The following IGF2R variants were observed in gnomAD, a reference collection of about 807,000 sequenced individuals.
IGF2R encodes cation-independent mannose-6-phosphate receptor.
In IGF2R, 91 loss-of-function variants were observed where a neutral mutation model predicts 270.6. That is an observed-to-expected ratio of 0.34 (90% CI 0.28 to 0.40). The LOEUF (loss-of-function observed/expected upper bound fraction) is 0.40. Among genes scored for constraint, IGF2R ranks in the 10% least tolerant of loss-of-function variants. The pLI, the probability that IGF2R is intolerant of heterozygous loss-of-function variation, is 1.00. For synonymous variants in IGF2R, 1,316 were observed against 1,258.9 expected, an observed-to-expected ratio of 1.05 and a Z score of -0.96; for missense variants, 2,805 against 3,188.3, an observed-to-expected ratio of 0.88 and a Z score of 2.90.
At chr6:159,999,902 G>A (rs915167457) in intron 2 of IGF2R, among the ~76,000 whole-genome samples, 1 of 152,158 alleles carries the variant, frequency 6.6e-6, no homozygotes, top group Admixed American at 6.5e-5. Flanking sequence ...AATCCTGGAA[G>A]CCATACAGGA....
At chr6:160,090,891 G>C (rs1337667260) in intron 44 of IGF2R, among the ~76,000 whole-genome samples, 1 of 149,918 alleles carries the variant, frequency 6.7e-6, no homozygotes, top group Non-Finnish European at 1.5e-5. Context: ...TCCGTGCCCT[G>C]GTGCTGAGCT....
intron 21 of IGF2R, among the ~76,000 whole-genome samples, chr6:160,058,632 A>G (rs888296252): frequency 6.6e-6 from 1 of 152,214 alleles, no homozygotes; most frequent in African/African-American, 2.4e-5. Context: ...TATATGGTAC[A>G]TTATTACATG....
intron 9 of IGF2R, among the ~76,000 whole-genome samples, chr6:160,034,046 T>G (rs954390164): frequency 1.3e-5 from 2 of 152,236 alleles, no homozygotes; most frequent in African/African-American, 4.8e-5. Context: ...TTGTTCAGGA[T>G]CAGTATAGTC....
rs372480709 is a variant in IGF2R, at chr6:160,034,533, G to A, written c.1315+11G>A. 6 of 1,556,910 alleles carry A rather than the reference G, an allele frequency of 3.9e-6. No homozygotes were observed. The highest frequency in any genetic ancestry group is 2.2e-5 in the East Asian group (1 of 44,452). ...GCAATAAAACCGCAGGTAAGTGTGC[G>A]CTGGAGTTCAGCCCCTCCTCTTTGC... On this transcript the variant is annotated intron_variant, in intron 10 of 47. Transcript: ENST00000356956.
Position 160,024,691 on chromosome 6 carries a change from T to C in IGF2R, c.633T>C (p.Val211=). 2.5e-6 allele frequency: 4 copies of C among 1,614,116 alleles called. No homozygotes were observed. Among genetic ancestry groups the C allele is most frequent in the Non-Finnish European group, 3.4e-6 (4 of 1,179,986 alleles). Residue 211 remains valine (V), a synonymous_variant, in exon 5 of 48, where the codon GTT becomes GTC. Coordinates refer to ENST00000356956, the MANE Select transcript of IGF2R (RefSeq NM_000876.4). ...SDPDTSLFIN[V]CRDIDTLRDP... ...CGGACACTTCTCTATTCATCAATGT[T>C]TGTAGAGACATAGGTATGAATCTTT...
intron 26 of IGF2R, among the ~76,000 whole-genome samples, chr6:160,063,184 G>A (rs1323001708): frequency 6.6e-6 from 1 of 151,772 alleles, no homozygotes; most frequent in Non-Finnish European, 1.5e-5. Flanking sequence ...ACTACAGGGT[G>A]CCTGCCACCA....
chr6:160,102,644 C>A lies in IGF2R; in HGVS notation c.6968C>A (p.Ala2323Asp). Residue 2323 changes from alanine (A) to aspartate (D), a missense_variant, in exon 46 of 48, where the codon GCC becomes GAC. This residue lies in a region of IGF2R where 1,851 missense variants were observed against 2,207.2 expected (regional missense o/e 0.84). Coordinates refer to ENST00000356956, the MANE Select transcript of IGF2R (RefSeq NM_000876.4). The surrounding 1 kb of genome is among the most constrained non-coding windows in gnomAD (Gnocchi z 4.5). Reference protein sequence around the residue: ...LLVALTCCLLALLLYKKERRE... With the variant: ...LLVALTCCLLDLLLYKKERRE... ...GTGGCGCTCACCTGCTGCCTGCTGG[C>A]CCTGTTGCTCTACAAGAAGGAGAGG... 1 of 1,610,022 alleles carries A rather than the reference C, an allele frequency of 6.2e-7. No individual in the cohort carries two copies. The highest frequency in any genetic ancestry group is 8.5e-7 in the Non-Finnish European group (1 of 1,177,852).
At position 160,029,683 on chromosome 6, in the gene IGF2R, T is replaced by C. The variant is rs370471736; in HGVS notation, c.882+28T>C. 34 of 1,517,076 alleles carry C rather than the reference T, an allele frequency of 2.2e-5. No individual in the cohort carries two copies. In the African/African-American group the frequency reaches 4.2e-4, roughly 19 times the overall value. 94.0% of individuals were successfully genotyped at this position (1,517,076 alleles called of 1,614,324 possible). A position where few individuals can be genotyped will look rare whatever the true frequency, so the allele number is the denominator to read the frequency against. On this transcript the variant is annotated intron_variant, in intron 7 of 47. Transcript: ENST00000356956. Reference sequence around the variant, plus strand: ...AAGTGACTCGTCTCCTGATCACTAATGTGGCGCACAGTAGCCTGGGTTGCC... The same window carrying C: ...AAGTGACTCGTCTCCTGATCACTAACGTGGCGCACAGTAGCCTGGGTTGCC...
chr6:160,035,600 G>T (rs1435669038), intron 10 of IGF2R, among the ~76,000 whole-genome samples: 1 of 152,230 alleles, frequency 6.6e-6, no homozygotes, highest in East Asian at 1.9e-4. Flanking sequence ...CTTGTTCACA[G>T]GTCTGCCATT....
In IGF2R at chr6:160,102,642, G is replaced by C; in HGVS notation, c.6966G>C (p.Leu2322=). 6.2e-7 allele frequency: 1 copy of C among 1,610,748 alleles called. No homozygotes were observed. The highest frequency in any genetic ancestry group is 8.5e-7 in the Non-Finnish European group (1 of 1,178,250). ...TGGTGGCGCTCACCTGCTGCCTGCT[G>C]GCCCTGTTGCTCTACAAGAAGGAGA... ...LLLVALTCCL[L]ALLLYKKERR... Residue 2322 remains leucine (L), a synonymous_variant, in exon 46 of 48, where the codon CTG becomes CTC. Coordinates refer to ENST00000356956, the MANE Select transcript of IGF2R (RefSeq NM_000876.4). The surrounding 1 kb of genome is among the most constrained non-coding windows in gnomAD (Gnocchi z 4.5).
chr6:160,099,527 C>T (rs551398484), intron 45 of IGF2R, among the ~76,000 whole-genome samples: 158 of 152,204 alleles, frequency 1.0e-3, no homozygotes, highest in Non-Finnish European at 1.9e-3. Context: ...CTACCATGCC[C>T]GGCTAATTTT....
At chr6:160,065,808 GTGTGTGTATATATATATATA>G (rs1256759294) in intron 29 of IGF2R, among the ~76,000 whole-genome samples, 3 of 55,144 alleles carry the variant, frequency 5.4e-5, no homozygotes, top group African/African-American at 2.7e-4. Context: ...GTGTGTGTGT[GTGTGTGTATATATATATATA>G]TATATATATA....
At chr6:160,066,321 T>C (rs573081191) in intron 29 of IGF2R, among the ~76,000 whole-genome samples, 79 of 151,878 alleles carry the variant, frequency 5.2e-4, no homozygotes, top group Non-Finnish European at 1.0e-3. Flanking sequence ...GCCTATTTTT[T>C]GTATTTTTAG....
rs555518785 is a variant in IGF2R at position 160,043,457 on chromosome 6, C to T, written c.1621+169C>T. On this transcript the variant is annotated intron_variant, in intron 12 of 47. Transcript: ENST00000356956. ...CTCAAATGTCAGTAATTGCTTGATG[C>T]ACTCTGGAATCCTGAAGTTGGCTAG... is the stretch of plus-strand genomic sequence containing the variant. Among the ~76,000 whole-genome samples the T allele has an allele frequency of 4.6e-5, 7 of 152,312 alleles. No individual in the cohort carries two copies. The South Asian group carries it at 1.5e-3, about 32-fold the overall frequency.
chr6:160,060,658 A>T lies in IGF2R; in HGVS notation c.3203A>T (p.Tyr1068Phe). Residue 1068 changes from tyrosine to phenylalanine, a missense_variant, in exon 23 of 48, where the codon TAC becomes TTC. Physicochemically the swap from Tyr to Phe is conservative, Grantham distance 22. This residue lies in a region of IGF2R where 1,851 missense variants were observed against 2,207.2 expected (regional missense o/e 0.84). Coordinates refer to ENST00000356956, the MANE Select transcript of IGF2R (RefSeq NM_000876.4). ...IDSGQGIRNT[Y>F]FEFETALACV... is the part of the protein sequence containing the mutation. Reference sequence around the variant, plus strand: ...TCTGGGCAAGGGATCCGAAACACTTACTTTGAGTTTGAAACCGCGTTGGCC... The same window carrying T: ...TCTGGGCAAGGGATCCGAAACACTTTCTTTGAGTTTGAAACCGCGTTGGCC... 1.2e-6 allele frequency: 2 copies of T among 1,614,220 alleles called. No individual in the cohort carries two copies. The highest frequency in any genetic ancestry group is 1.7e-6 in the Non-Finnish European group (2 of 1,180,052).
chr6:160,028,463 C>T (rs1777614100), intron 6 of IGF2R, among the ~76,000 whole-genome samples: 1 of 152,252 alleles, frequency 6.6e-6, no homozygotes, highest in Admixed American at 6.5e-5. Context: ...TTAAGTGACA[C>T]ATTGGTAATT....
intron 1 of IGF2R, among the ~76,000 whole-genome samples, chr6:159,976,996 G>A (rs1169921206): frequency 6.6e-6 from 1 of 152,194 alleles, no homozygotes; most frequent in East Asian, 1.9e-4. Flanking sequence ...TGCCGCTGTG[G>A]ACAGGCATGT....
Position 160,105,180 on chromosome 6 carries a change from C to T in IGF2R, c.*96C>T, listed in dbSNP as rs1043817991. 1.7e-6 allele frequency: 2 copies of T among 1,171,238 alleles called. No individual in the cohort carries two copies. The highest frequency in any genetic ancestry group is 2.4e-6 in the Non-Finnish European group (2 of 846,748). 72.6% of individuals were successfully genotyped at this position (1,171,238 alleles called of 1,614,324 possible). On this transcript the variant is annotated 3_prime_UTR_variant, in exon 48 of 48. Transcript: ENST00000356956. ...CTCGATGATGCTTCTATAATTTTGC[C>T]TTTAACAGAAACTTTCAAAAGGGAA...
chr6:160,025,705 C>G (rs1777545277), intron 5 of IGF2R, among the ~76,000 whole-genome samples: 1 of 152,056 alleles, frequency 6.6e-6, no homozygotes, highest in Non-Finnish European at 1.5e-5. Flanking sequence ...TTACATCTTT[C>G]TTTTGTTCTC....
Sources: gnomAD v4.1 joint callset for allele counts (sites outside exome capture counted in the v4.1 genomes callset) on GRCh38, gnomAD v4.1.1 for gene constraint, gnomAD v4.1.1 regional missense constraint, Gnocchi (gnomAD v3.1) non-coding constraint, MANE v1.5 for transcripts, NCBI Gene and HGNC (gene_info 2026-07-23, HGNC 2026-07-21) for gene names.